Variants in FBN2 observed in about 807,000 individuals in gnomAD.
The protein encoded by FBN2 is fibrillin-2.
FBN2 carries 105 observed loss-of-function variants against 355.6 expected under a neutral mutation model. The observed-to-expected ratio is 0.30, with a 90% CI of 0.25 to 0.35. The LOEUF is 0.35. FBN2 is among the 10% of genes least tolerant of loss of function. The pLI, the probability that FBN2 is intolerant of heterozygous loss-of-function variation, is 1.00. For synonymous variants in FBN2, 1,350 were observed against 1,301.2 expected (o/e 1.04, Z -0.81); for missense variants, 3,280 against 3,758.7 (o/e 0.87, Z 3.33).
intron 39 of FBN2, among the ~76,000 whole-genome samples, chr5:128,310,989 T>G (rs994000101): frequency 1.3e-5 from 2 of 152,210 alleles, no homozygotes; most frequent in African/African-American, 2.4e-5. Context: ...ATTTTTCCTA[T>G]GTAAAATGTA....
intron 54 of FBN2, 73 bp from the exon 55 acceptor site, chr5:128,286,922 G>C (rs1749168810): frequency 5.7e-6 from 8 of 1,393,612 alleles, no homozygotes; most frequent in Admixed American, 5.6e-5. Flanking sequence ...CACAGGTGTG[G>C]TCTTCTGACA....
intron 6 of FBN2, among the ~76,000 whole-genome samples, chr5:128,463,185 T>C (rs1754605826): frequency 6.6e-6 from 1 of 152,046 alleles, no homozygotes; most frequent in Non-Finnish European, 1.5e-5. Context: ...TATACTAAGA[T>C]GTAGTAAAGA....
rs376407285 is a variant in FBN2, at chr5:128,537,562, C to A, written c.42G>T (p.Leu14=). The change falls in exon 1 of 65, where the codon CTG becomes CTT. Residue 14 remains leucine (L), a synonymous_variant. Coordinates refer to ENST00000262464, the MANE Select transcript of FBN2 (RefSeq NM_001999.4). ...CCCAGAGCACCACACAGCCCAGCCA[C>A]AGGAAGTAGAGCTGGAGACACAGCC... The part of the protein sequence containing the change: ...RRRLCLQLYF[L]WLGCVVLWAQ... 7 of 1,604,188 alleles carry A rather than the reference C, an allele frequency of 4.4e-6. No individual in the cohort carries two copies. The Admixed American group carries it at 1.0e-4, about 23-fold the overall frequency.
At chr5:128,363,946 T>C (rs969569432) in intron 18 of FBN2, among the ~76,000 whole-genome samples, 2 of 152,216 alleles carry the variant, frequency 1.3e-5, no homozygotes, top group Non-Finnish European at 2.9e-5. Context: ...TAACACTTGG[T>C]TGTAAAAGCC....
intron 5 of FBN2, among the ~76,000 whole-genome samples, chr5:128,499,260 C>T (rs1755739380): frequency 1.3e-5 from 2 of 151,916 alleles, no homozygotes; most frequent in African/African-American, 4.8e-5. Context: ...TCATTTTAGG[C>T]ACTATTCAAT....
intron 5 of FBN2, among the ~76,000 whole-genome samples, chr5:128,481,182 A>G (rs933611498): frequency 2.3e-5 from 1 of 44,100 alleles, no homozygotes; most frequent in African/African-American, 5.8e-4. Flanking sequence ...TACTCAGGGA[A>G]AAAAAAAAAT....
At chr5:128,400,632 G>A (rs867382105) in intron 8 of FBN2, among the ~76,000 whole-genome samples, 1 of 152,166 alleles carries the variant, frequency 6.6e-6, no homozygotes, top group Admixed American at 6.5e-5. Context: ...AGCAAATACT[G>A]TACCAGAATA....
chr5:128,382,550 A>G (rs185276446), intron 11 of FBN2, among the ~76,000 whole-genome samples: 1 of 152,150 alleles, frequency 6.6e-6, no homozygotes, highest in East Asian at 1.9e-4. Flanking sequence ...CATTCCTCTT[A>G]GCATTAGAGC....
intron 27 of FBN2, among the ~76,000 whole-genome samples, chr5:128,337,796 C>A (rs1403553074): frequency 6.6e-6 from 1 of 152,186 alleles, no homozygotes; most frequent in Admixed American, 6.5e-5. Context: ...AGAGGCCAAC[C>A]AGAAGAATGC....
chr5:128,277,846 C>T, intron 58 of FBN2, 34 bp downstream of exon 58: 1 of 1,613,602 alleles, frequency 6.2e-7, no homozygotes, highest in African/African-American at 1.3e-5. Context: ...TGATTAGCCC[C>T]CAAACCCCTG....
intron 6 of FBN2, among the ~76,000 whole-genome samples, chr5:128,455,038 A>C (rs1754345161): frequency 6.6e-6 from 1 of 152,210 alleles, no homozygotes; most frequent in South Asian, 2.1e-4. Context: ...ATTTAAAAAA[A>C]TTTTAGGAGC....
chr5:128,452,070 A>C (rs1754264344), intron 6 of FBN2, among the ~76,000 whole-genome samples: 1 of 152,150 alleles, frequency 6.6e-6, no homozygotes, highest in Non-Finnish European at 1.5e-5. Context: ...AAGAAAATTT[A>C]AAAGAAATTA....
chr5:128,274,677 T>A lies in FBN2; in HGVS notation c.7601A>T (p.Asp2534Val). 1 of 1,598,878 alleles carries A rather than the reference T, an allele frequency of 6.3e-7. No homozygotes were observed. The highest frequency in any genetic ancestry group is 1.7e-5 in the Admixed American group (1 of 59,984). Residue 2534 changes from aspartate to valine, a missense_variant, in exon 60 of 65, where the codon GAT becomes GTT. Coordinates refer to ENST00000262464, the MANE Select transcript of FBN2 (RefSeq NM_001999.4). The stretch of plus-strand genomic sequence containing the variant: ...GTTATGCTGCTTTGTTTGACATTCA[T>A]CAAGGTCTGAAATTAGAGAGAAGCC... ...QEDGKTCKDL[D>V]ECQTKQHNCQ...
intron 23 of FBN2, among the ~76,000 whole-genome samples, chr5:128,347,272 C>T (rs1440345921): frequency 3.9e-5 from 6 of 152,186 alleles, no homozygotes; most frequent in African/African-American, 1.2e-4. Context: ...AAAGTTATAA[C>T]AGCCAGGAAG....
intron 62 of FBN2, among the ~76,000 whole-genome samples, chr5:128,271,713 C>T (rs1049561253): frequency 1.3e-5 from 2 of 152,110 alleles, no homozygotes; most frequent in Non-Finnish European, 2.9e-5. Context: ...GATGATGATT[C>T]TTGACATCAT....
At chr5:128,338,232 G>A in intron 26 of FBN2, 110 bp from the exon 27 acceptor site, 2 of 1,102,434 alleles carry the variant, frequency 1.8e-6, no homozygotes, top group Non-Finnish European at 2.7e-6. Flanking sequence ...GTTAGTGGAA[G>A]AGAGATGCTT....
intron 11 of FBN2, among the ~76,000 whole-genome samples, chr5:128,379,988 C>G (rs1752186714): frequency 6.6e-6 from 1 of 152,078 alleles, no homozygotes; most frequent in African/African-American, 2.4e-5. Context: ...AACCCACCAA[C>G]TTCATTTATG....
intron 41 of FBN2, 107 bp downstream of exon 41, chr5:128,309,140 G>C (rs1444034818): frequency 4.1e-6 from 5 of 1,227,164 alleles, no homozygotes; most frequent in Non-Finnish European, 5.9e-6. Flanking sequence ...GGAATTTTTG[G>C]AACTGAGCAT....
intron 6 of FBN2, among the ~76,000 whole-genome samples, chr5:128,449,659 G>T (rs1754184564): frequency 6.6e-6 from 1 of 151,166 alleles, no homozygotes; most frequent in South Asian, 2.1e-4. Flanking sequence ...GAATAGGTGA[G>T]ACAGACACGA....
Sources: gnomAD v4.1 joint callset for allele counts (sites outside exome capture counted in the v4.1 genomes callset) on GRCh38, gnomAD v4.1.1 for gene constraint, MANE v1.5 for transcripts, NCBI Gene and HGNC (gene_info 2026-07-23, HGNC 2026-07-21) for gene names.